The following OR5B17 variants were observed in gnomAD, a reference collection of about 807,000 sequenced individuals.
OR5B17 encodes olfactory receptor 5B17.
For missense variants in OR5B17, 444 were observed against 378.7 expected (o/e 1.17, Z -1.43); for synonymous variants, 150 against 135.8 (o/e 1.10, Z -0.73).
At position 58,358,660 on chromosome 11, in the gene OR5B17, C is replaced by T. The variant is rs751943321; in HGVS notation, c.410G>A (p.Arg137His). Residue 137 changes from arginine (R) to histidine (H), a missense_variant, in exon 1 of 1, where the codon CGT (arginine) becomes CAT (histidine). Transcript: ENST00000357377. The stretch of plus-strand genomic sequence containing the variant: ...GCCTATAGCCAGACAAGCACACACA[C>T]GTGTTGTCATGGTGGTGGTATAATG... ...PLHYTTTMTT[R>H]VCACLAIGCY... is the part of the protein sequence containing the mutation. 46 of 1,613,964 alleles carry T rather than the reference C, an allele frequency of 2.9e-5. No homozygotes were observed. The East Asian group carries it at 4.2e-4, about 15-fold the overall frequency.
In OR5B17 at chr11:58,358,970, G is replaced by C; in HGVS notation, c.100C>G (p.Leu34Val). Residue 34 changes from leucine (L) to valine (V), a missense_variant, in exon 1 of 1, where the codon CTC becomes GTC. Physicochemically the swap from Leu to Val is conservative, Grantham distance 32. Transcript: ENST00000357377. ...CCCAGGTTCCCAGTCAGAGTGATGA[G>C]GTAGATGAGGGTAAACATGATAAAG... The part of the protein sequence containing the change: ...PLFIMFTLIY[L>V]ITLTGNLGMI... 6.2e-7 allele frequency: 1 copy of C among 1,613,512 alleles called. No homozygotes were observed. Among genetic ancestry groups the C allele is most frequent in the South Asian group, 1.1e-5 (1 of 91,060 alleles).
Position 58,358,844 on chromosome 11 carries a change from T to G in OR5B17, c.226A>C (p.Thr76Pro). The G allele has an allele frequency of 6.2e-7, 1 of 1,613,978 alleles. No individual in the cohort carries two copies. Among genetic ancestry groups the G allele is most frequent in the Non-Finnish European group, 8.5e-7 (1 of 1,179,990 alleles). Residue 76 changes from threonine to proline, a missense_variant, in exon 1 of 1, where the codon ACT becomes CCT. Transcript: ENST00000357377. ...LAGIGYSSAV[T>P]PKVLTGLLIE... ...AGCAACCCAGTTAAAACCTTTGGAG[T>G]GACAGCTGAGGAGTAACCAATGCCT...
chr11:58,358,289 T>G lies in OR5B17; in HGVS notation c.781A>C (p.Ser261Arg), dbSNP rs1341290897. Residue 261 changes from serine to arginine, a missense_variant, in exon 1 of 1, where the codon AGT (serine) becomes CGT (arginine). Physicochemically the swap from Ser to Arg is moderately radical, Grantham distance 110 (BLOSUM62 -1). Transcript: ENST00000357377. ...TCTGTGTCCATGGAATGACTGGAACTTGGTCGTATGTACATGATGATGACA... is the reference window on the plus strand; with the variant it reads ...TCTGTGTCCATGGAATGACTGGAACGTGGTCGTATGTACATGATGATGACA... Reference protein sequence around the residue: ...ITVIIMYIRPSSSHSMDTDKI... With the variant: ...ITVIIMYIRPRSSHSMDTDKI... 6.2e-7 allele frequency: 1 copy of G among 1,614,020 alleles called. No homozygotes were observed. Among genetic ancestry groups the G allele is most frequent in the South Asian group, 1.1e-5 (1 of 91,076 alleles).
In OR5B17 at chr11:58,358,588, G is replaced by T. The variant is rs758726981; in HGVS notation, c.482C>A (p.Thr161Lys). The change falls in exon 1 of 1, where the codon ACA becomes AAA. Residue 161 changes from threonine to lysine, a missense_variant. Transcript: ENST00000357377. ...GGACATGCAGAAAGAGAGGCGAAAT[G>T]TATCTCCAATTTGGATAGAAGCATT... Reference protein sequence around the residue: ...FLNASIQIGDTFRLSFCMSNV... With the variant: ...FLNASIQIGDKFRLSFCMSNV... 1.9e-6 allele frequency: 3 copies of T among 1,614,012 alleles called. No individual in the cohort carries two copies. Among genetic ancestry groups the T allele is most frequent in the Non-Finnish European group, 2.5e-6 (3 of 1,180,044 alleles).
chr11:58,358,334 T>A lies in OR5B17; in HGVS notation c.736A>T (p.Ile246Phe). Residue 246 changes from isoleucine to phenylalanine, a missense_variant, in exon 1 of 1, where the codon ATT (isoleucine) becomes TTT (phenylalanine). Ile to Phe is a conservative substitution (Grantham distance 21, BLOSUM62 0). Transcript: ENST00000357377. Reference protein sequence around the residue: ...LSTCGSHLIAIFLFYITVIIM... With the variant: ...LSTCGSHLIAFFLFYITVIIM... Reference sequence around the variant, plus strand: ...ATGACAGTTATATAAAATAAGAAAATGGCAATGAGGTGAGAACCACAGGTA... The same window carrying A: ...ATGACAGTTATATAAAATAAGAAAAAGGCAATGAGGTGAGAACCACAGGTA... 1 of 1,613,754 alleles carries A rather than the reference T, an allele frequency of 6.2e-7. No individual in the cohort carries two copies. The highest frequency in any genetic ancestry group is 8.5e-7 in the Non-Finnish European group (1 of 1,179,882).
rs79337234 is a variant in OR5B17, at chr11:58,359,006, G to A, written c.64C>T (p.Gln22Ter). 3,682 of 1,611,216 alleles carry A rather than the reference G, an allele frequency of 2.3e-3. 142 individuals carry two copies. The East Asian group carries it at 0.074, about 33-fold the overall frequency. Residue 22 changes from glutamine to a stop codon, truncating the protein, a stop_gained, in exon 1 of 1, where the codon CAG (glutamine) becomes TAG (stop). Coordinates refer to ENST00000357377, the MANE Select transcript of OR5B17 (RefSeq NM_001005489.2). LOFTEE classifies it low-confidence loss of function (END_TRUNC). Reference sequence around the variant, plus strand: ...GTAAACATGATAAAGAGGGGAACCTGTAGTTCTGGGGCATTGGTTAGACCA... The same window carrying A: ...GTAAACATGATAAAGAGGGGAACCTATAGTTCTGGGGCATTGGTTAGACCA... ...LLGLTNAPEL[Q>*]VPLFIMFTLI...
chr11:58,358,146 A>G lies in OR5B17; in HGVS notation c.924T>C (p.Tyr308=). 1 of 1,582,814 alleles carries G rather than the reference A, an allele frequency of 6.3e-7. No homozygotes were observed. The highest frequency in any genetic ancestry group is 8.6e-7 in the Non-Finnish European group (1 of 1,159,694). The change falls in exon 1 of 1, where the codon TAT becomes TAC. Residue 308 remains tyrosine, a synonymous_variant. Transcript: ENST00000357377. ...AFMKVVEKAK[Y]SLDSVF is the part of the protein sequence containing the mutation. ...ATCATTAAAAGACTGAATCTAGAGA[A>G]TATTTTGCCTTCTCAACAACCTTCA...
Position 58,358,657 on chromosome 11 carries a change from A to G in OR5B17, c.413T>C (p.Val138Ala), listed in dbSNP as rs780543140. The G allele has an allele frequency of 6.2e-7, 1 of 1,614,034 alleles. No homozygotes were observed. Residue 138 changes from valine (V) to alanine (A), a missense_variant, in exon 1 of 1, where the codon GTG (valine) becomes GCG (alanine). Physicochemically the swap from Val to Ala is moderately conservative, Grantham distance 64. Coordinates refer to ENST00000357377, the MANE Select transcript of OR5B17 (RefSeq NM_001005489.2). Reference protein sequence around the residue: ...LHYTTTMTTRVCACLAIGCYV... With the variant: ...LHYTTTMTTRACACLAIGCYV... The stretch of plus-strand genomic sequence containing the variant: ...ACAGCCTATAGCCAGACAAGCACAC[A>G]CACGTGTTGTCATGGTGGTGGTATA...
rs1854540630 is a variant in OR5B17 at position 58,359,030 on chromosome 11, C to T, written c.40G>A (p.Gly14Ser). The change falls in exon 1 of 1, where the codon GGT becomes AGT. Residue 14 changes from glycine (G) to serine (S), a missense_variant. By Grantham distance (56) the Gly-to-Ser change is moderately conservative. Transcript: ENST00000357377. ...NTEVSEFILL[G>S]LTNAPELQVP... ...TGTAGTTCTGGGGCATTGGTTAGAC[C>T]AAGCAGGATGAATTCACTCACCTCT... 1.9e-6 allele frequency: 3 copies of T among 1,605,828 alleles called. No homozygotes were observed. The highest frequency in any genetic ancestry group is 2.5e-6 in the Non-Finnish European group (3 of 1,178,630).
In OR5B17 at chr11:58,358,398, A is replaced by G; in HGVS notation, c.672T>C (p.Leu224=). The change falls in exon 1 of 1, where the codon CTT becomes CTC. Residue 224 remains leucine (L), a synonymous_variant. Coordinates refer to ENST00000357377, the MANE Select transcript of OR5B17 (RefSeq NM_001005489.2). The stretch of plus-strand genomic sequence containing the variant: ...GGTATCCCTTACCTGTGTGCCTCTT[A>G]AGAATGGTGATCAATATGAACAGAT... ...ISYLFILITI[L]KRHTGKGYQK... The G allele has an allele frequency of 1.2e-6, 2 of 1,614,054 alleles. No homozygotes were observed. The highest frequency in any genetic ancestry group is 1.3e-5 in the African/African-American group (1 of 75,030).
At position 58,358,650 on chromosome 11, in the gene OR5B17, A is replaced by G; in HGVS notation, c.420T>C (p.Ala140=). 6.2e-7 allele frequency: 1 copy of G among 1,614,198 alleles called. No individual in the cohort carries two copies. ...YTTTMTTRVC[A]CLAIGCYVIG... ...TGACATAACAGCCTATAGCCAGACA[A>G]GCACACACACGTGTTGTCATGGTGG... The change falls in exon 1 of 1, where the codon GCT becomes GCC. Residue 140 remains alanine, a synonymous_variant. Coordinates refer to ENST00000357377, the MANE Select transcript of OR5B17 (RefSeq NM_001005489.2).
chr11:58,358,269 G>T lies in OR5B17; in HGVS notation c.801C>A (p.Asp267Glu). The change falls in exon 1 of 1, where the codon GAC (aspartate) becomes GAA (glutamate). Residue 267 changes from aspartate (D) to glutamate (E), a missense_variant. Coordinates refer to ENST00000357377, the MANE Select transcript of OR5B17 (RefSeq NM_001005489.2). ...AGAACACAGATGCAATTTTGTCTGT[G>T]TCCATGGAATGACTGGAACTTGGTC... Reference protein sequence around the residue: ...YIRPSSSHSMDTDKIASVFYT... With the variant: ...YIRPSSSHSMETDKIASVFYT... 1.2e-6 allele frequency: 2 copies of T among 1,613,834 alleles called. No homozygotes were observed. The highest frequency in any genetic ancestry group is 1.7e-6 in the Non-Finnish European group (2 of 1,179,780).
At position 58,358,563 on chromosome 11, in the gene OR5B17, G is replaced by A; in HGVS notation, c.507C>T (p.Ser169=). Residue 169 remains serine (S), a synonymous_variant, in exon 1 of 1, where the codon TCC becomes TCT. Transcript: ENST00000357377. The part of the protein sequence containing the change: ...GDTFRLSFCM[S]NVIHHFFCDK... ...CACAGAAAAAGTGATGAATCACATTGGACATGCAGAAAGAGAGGCGAAATG... is the reference window on the plus strand; with the variant it reads ...CACAGAAAAAGTGATGAATCACATTAGACATGCAGAAAGAGAGGCGAAATG... 2 of 1,614,088 alleles carry A rather than the reference G, an allele frequency of 1.2e-6. No homozygotes were observed. Among genetic ancestry groups the A allele is most frequent in the Non-Finnish European group, 1.7e-6 (2 of 1,180,020 alleles).
At position 58,358,940 on chromosome 11, in the gene OR5B17, T is replaced by G; in HGVS notation, c.130A>C (p.Ile44Leu). 6.2e-7 allele frequency: 1 copy of G among 1,613,978 alleles called. No homozygotes were observed. The highest frequency in any genetic ancestry group is 8.5e-7 in the Non-Finnish European group (1 of 1,179,966). ...TGAGAGTCCAGCAGGATTAATATGA[T>G]CATCCCCAGGTTCCCAGTCAGAGTG... ...LITLTGNLGM[I>L]ILILLDSHLH... Residue 44 changes from isoleucine to leucine, a missense_variant, in exon 1 of 1, where the codon ATC (isoleucine) becomes CTC (leucine). Ile to Leu is a conservative substitution (Grantham distance 5, BLOSUM62 2). Coordinates refer to ENST00000357377, the MANE Select transcript of OR5B17 (RefSeq NM_001005489.2).
chr11:58,358,528 G>C lies in OR5B17; in HGVS notation c.542C>G (p.Ala181Gly), dbSNP rs887656812. 2.5e-6 allele frequency: 4 copies of C among 1,614,114 alleles called. No homozygotes were observed. The highest frequency in any genetic ancestry group is 3.4e-6 in the Non-Finnish European group (4 of 1,180,006). The change falls in exon 1 of 1, where the codon GCA becomes GGA. Residue 181 changes from alanine (A) to glycine (G), a missense_variant. Coordinates refer to ENST00000357377, the MANE Select transcript of OR5B17 (RefSeq NM_001005489.2). ...VIHHFFCDKP[A>G]VITLTCSEKH... The stretch of plus-strand genomic sequence containing the variant: ...CTCAGAGCAGGTCAGAGTAATGACT[G>C]CTGGTTTGTCACAGAAAAAGTGATG...
At position 58,359,002 on chromosome 11, in the gene OR5B17, A is replaced by T; in HGVS notation, c.68T>A (p.Val23Asp). ...GAGGGTAAACATGATAAAGAGGGGA[A>T]CCTGTAGTTCTGGGGCATTGGTTAG... The part of the protein sequence containing the change: ...LGLTNAPELQ[V>D]PLFIMFTLIY... Residue 23 changes from valine (V) to aspartate (D), a missense_variant, in exon 1 of 1, where the codon GTT (valine) becomes GAT (aspartate). Coordinates refer to ENST00000357377, the MANE Select transcript of OR5B17 (RefSeq NM_001005489.2). The T allele has an allele frequency of 2.5e-6, 4 of 1,611,614 alleles. No individual in the cohort carries two copies. The highest frequency in any genetic ancestry group is 3.4e-6 in the Non-Finnish European group (4 of 1,179,808).
rs749440879 is a variant in OR5B17, at chr11:58,358,677, G to A, written c.393C>T (p.Thr131=). The change falls in exon 1 of 1, where the codon ACC becomes ACT. Residue 131 remains threonine, a synonymous_variant. Coordinates refer to ENST00000357377, the MANE Select transcript of OR5B17 (RefSeq NM_001005489.2). The part of the protein sequence containing the change: ...YAAVCNPLHY[T]TTMTTRVCAC... ...CACACACACGTGTTGTCATGGTGGT[G>A]GTATAATGTAGGGGGTTACACACTG... 2 of 1,614,112 alleles carry A rather than the reference G, an allele frequency of 1.2e-6. No individual in the cohort carries two copies. The highest frequency in any genetic ancestry group is 1.1e-5 in the South Asian group (1 of 91,074).
At position 58,358,301 on chromosome 11, in the gene OR5B17, A is replaced by G. The variant is rs55810057; in HGVS notation, c.769T>C (p.Tyr257His). The G allele has an allele frequency of 0.02, 32,216 of 1,613,944 alleles. 974 individuals carry two copies. Among genetic ancestry groups the G allele is most frequent in the African/African-American group, 0.14 (10,520 of 74,986 alleles). The change falls in exon 1 of 1, where the codon TAC becomes CAC. Residue 257 changes from tyrosine (Y) to histidine (H), a missense_variant. By Grantham distance (83) the Tyr-to-His change is moderately conservative. Coordinates refer to ENST00000357377, the MANE Select transcript of OR5B17 (RefSeq NM_001005489.2). ...FLFYITVIIM[Y>H]IRPSSSHSMD... ...GAATGACTGGAACTTGGTCGTATGT[A>G]CATGATGATGACAGTTATATAAAAT...
In OR5B17 at chr11:58,358,736, G is replaced by A. The variant is rs1854532422; in HGVS notation, c.334C>T (p.Leu112Phe). The A allele has an allele frequency of 1.2e-6, 2 of 1,614,008 alleles. No individual in the cohort carries two copies. The highest frequency in any genetic ancestry group is 3.3e-5 in the Admixed American group (2 of 59,988). ...CGGTCATAGGCCATTGAGGACAAGA[G>A]GTAATTTTCCACAGTGGCAAAGACT... Reference protein sequence around the residue: ...CAVFATVENYLLSSMAYDRYA... With the variant: ...CAVFATVENYFLSSMAYDRYA... Residue 112 changes from leucine to phenylalanine, a missense_variant, in exon 1 of 1, where the codon CTC becomes TTC. Physicochemically the swap from Leu to Phe is conservative, Grantham distance 22 (BLOSUM62 0). Transcript: ENST00000357377.
Sources: gnomAD v4.1 joint callset for allele counts on GRCh38, gnomAD v4.1.1 for gene constraint, MANE v1.5 for transcripts, NCBI Gene and HGNC (gene_info 2026-07-23, HGNC 2026-07-21) for gene names.